SLIT1: variants seen among roughly 807,000 people sequenced by gnomAD.
SLIT1 encodes the protein slit homolog 1 protein.
In SLIT1, 66 loss-of-function variants were observed where a neutral mutation model predicts 186.1. That is an observed-to-expected ratio of 0.35 (90% CI 0.29 to 0.44). SLIT1 has a LOEUF of 0.44. Among genes scored for constraint, SLIT1 ranks in the 20% least tolerant of loss-of-function variants. The pLI, the probability that SLIT1 is intolerant of heterozygous loss-of-function variation, is 1.00. For missense variants in SLIT1, 1,638 were observed against 2,037.4 expected (o/e 0.80, Z 3.77); for synonymous variants, 761 against 833.8 (o/e 0.91, Z 1.50).
intron 4 of SLIT1, among the ~76,000 whole-genome samples, chr10:97,109,437 C>A (rs1207188145): frequency 6.6e-6 from 1 of 152,074 alleles, no homozygotes; most frequent in African/African-American, 2.4e-5. Context: ...GAAGGACTGC[C>A]TCCAAGATGC....
At chr10:97,130,162 G>C (rs1849639916) in intron 4 of SLIT1, among the ~76,000 whole-genome samples, 1 of 152,214 alleles carries the variant, frequency 6.6e-6, no homozygotes, top group Non-Finnish European at 1.5e-5. Flanking sequence ...CATGTGCTCA[G>C]ATACAGGGAT....
intron 3 of SLIT1, among the ~76,000 whole-genome samples, chr10:97,159,474 A>AT (rs1162760249): frequency 1.3e-5 from 2 of 152,164 alleles, no homozygotes; most frequent in Non-Finnish European, 2.9e-5. Flanking sequence ...TTAATCCTGT[A>AT]TTTACACTGC....
intron 1 of SLIT1, among the ~76,000 whole-genome samples, chr10:97,169,683 C>T (rs948244048): frequency 3.9e-4 from 59 of 152,206 alleles, no homozygotes; most frequent in African/African-American, 1.3e-3. Flanking sequence ...CCCACCTGGG[C>T]TCCCTGAGGT....
Position 97,157,871 on chromosome 10 carries a change from C to G in SLIT1, c.360G>C (p.Gln120His). ...ACAGCAGTTCCGGTAACATGTGCAG[C>G]TGGTTTCGGTTCAGTCGCCTATAAA... Reference protein sequence around the residue: ...ELERLRLNRNQLHMLPELLFQ... With the variant: ...ELERLRLNRNHLHMLPELLFQ... Residue 120 changes from glutamine (Q) to histidine (H), a missense_variant, in exon 4 of 37, where the codon CAG (glutamine) becomes CAC (histidine). Coordinates refer to ENST00000266058, the MANE Select transcript of SLIT1 (RefSeq NM_003061.3). 1 of 1,614,042 alleles carries G rather than the reference C, an allele frequency of 6.2e-7. No homozygotes were observed. Among genetic ancestry groups the G allele is most frequent in the Middle Eastern group, 1.6e-4 (1 of 6,062 alleles).
intron 8 of SLIT1, among the ~76,000 whole-genome samples, chr10:97,062,705 G>T (rs1012571146): frequency 6.6e-6 from 1 of 152,202 alleles, no homozygotes; most frequent in African/African-American, 2.4e-5. Flanking sequence ...GGCACAGCTG[G>T]GGGAGCTGCA....
At chr10:97,008,085 T>G (rs11188985) in intron 31 of SLIT1, among the ~76,000 whole-genome samples, 67,121 of 151,544 alleles carry the variant, frequency 0.44, 18,357 homozygotes, top group African/African-American at 0.77. Context: ...AAAGGAAAGA[T>G]AAATAAAATG....
rs1430831311 is a variant in SLIT1, at chr10:97,002,352, C to T, written c.4172G>A (p.Cys1391Tyr). 6.2e-7 allele frequency: 1 copy of T among 1,607,338 alleles called. No individual in the cohort carries two copies. Among genetic ancestry groups the T allele is most frequent in the Non-Finnish European group, 8.5e-7 (1 of 1,178,312 alleles). ...GTAGGAAAGAGCGTCGAGGGGCACGCATTGCCCATGGACACACCTGGAGGA... is the reference window on the plus strand; with the variant it reads ...GTAGGAAAGAGCGTCGAGGGGCACGTATTGCCCATGGACACACCTGGAGGA... ...CHGHKCVHGQ[C>Y]VPLDALSYSC... The change falls in exon 36 of 37, where the codon TGC (cysteine) becomes TAC (tyrosine). Residue 1391 changes from cysteine (C) to tyrosine (Y), a missense_variant. Physicochemically the swap from Cys to Tyr is radical, Grantham distance 194. This residue lies in a region of SLIT1 where 220 missense variants were observed against 211.3 expected (regional missense o/e 1.04). Coordinates refer to ENST00000266058, the MANE Select transcript of SLIT1 (RefSeq NM_003061.3).
chr10:97,074,980 G>A (rs1366057248), intron 4 of SLIT1, among the ~76,000 whole-genome samples: 1 of 152,256 alleles, frequency 6.6e-6, no homozygotes, highest in Non-Finnish European at 1.5e-5. Context: ...GGGCAGGGGT[G>A]GGAGTACACA....
At chr10:97,178,705 T>C (rs1309473399) in intron 1 of SLIT1, among the ~76,000 whole-genome samples, 4 of 152,004 alleles carry the variant, frequency 2.6e-5, no homozygotes, top group African/African-American at 9.7e-5. Context: ...AGGAAAAAAG[T>C]TTCAACGTCT....
chr10:97,056,832 C>G (rs560942041), intron 12 of SLIT1, among the ~76,000 whole-genome samples: 2 of 152,334 alleles, frequency 1.3e-5, no homozygotes, highest in East Asian at 3.9e-4. Context: ...CATTTGTGTT[C>G]TATGCCTCTT....
At chr10:97,011,290 G>A (rs1848408514) in intron 30 of SLIT1, among the ~76,000 whole-genome samples, 160 bp from the exon 31 acceptor site, 1 of 152,060 alleles carries the variant, frequency 6.6e-6, no homozygotes, top group Non-Finnish European at 1.5e-5. Context: ...ACAGAGCTCT[G>A]GATCTAAAAG....
chr10:97,100,089 A>G (rs774948993), intron 4 of SLIT1, among the ~76,000 whole-genome samples: 20 of 152,262 alleles, frequency 1.3e-4, no homozygotes, highest in Non-Finnish European at 2.1e-4. Context: ...ATGATGTCAC[A>G]CGATTTGAGT....
At position 97,043,249 on chromosome 10, in the gene SLIT1, C is replaced by A; in HGVS notation, c.1997+121G>T. 1 of 1,394,604 alleles carries A rather than the reference C, an allele frequency of 7.2e-7. No homozygotes were observed. Among genetic ancestry groups the A allele is most frequent in the South Asian group, 1.3e-5 (1 of 77,438 alleles). 86.4% of individuals were successfully genotyped at this position (1,394,604 alleles called of 1,614,324 possible). Reference sequence around the variant, plus strand: ...GGGAGACTTCGAAATGTGGAACCCACGTTTCAGCAAACCACGAAGACCCAG... The same window carrying A: ...GGGAGACTTCGAAATGTGGAACCCAAGTTTCAGCAAACCACGAAGACCCAG... On this transcript the variant is annotated intron_variant, in intron 19 of 36. Coordinates refer to ENST00000266058, the MANE Select transcript of SLIT1 (RefSeq NM_003061.3). This position sits in a 1 kb window ranked among gnomAD's most constrained non-coding sequence, Gnocchi z 7.0.
chr10:96,999,437 G>A lies in SLIT1; in HGVS notation c.*1675C>T, dbSNP rs566299737. The A allele has an allele frequency of 6.6e-6, 1 of 152,432 alleles. No homozygotes were observed. Among genetic ancestry groups the A allele is most frequent in the East Asian group, 1.9e-4 (1 of 5,172 alleles). The allele number at this position is 152,432 out of a possible 1,614,324, so 9.4% of individuals were successfully genotyped here. On this transcript the variant is annotated 3_prime_UTR_variant, in exon 37 of 37. Transcript: ENST00000266058. ...GGGCTCCCCTCACTGCCCTGGGCAG[G>A]GGACAGGGACACAATGCCACTCTGA...
chr10:97,141,742 G>A (rs574441574), intron 4 of SLIT1, among the ~76,000 whole-genome samples: 8 of 148,758 alleles, frequency 5.4e-5, no homozygotes, highest in South Asian at 2.1e-4. Flanking sequence ...GTATTGTATC[G>A]TATCGTATCG....
chr10:97,013,889 G>A lies in SLIT1; in HGVS notation c.3110-55C>T, dbSNP rs188425588. The A allele has an allele frequency of 8.7e-5, 134 of 1,537,092 alleles. No homozygotes were observed. In the East Asian group the frequency reaches 1.1e-3, roughly 13 times the overall value. On this transcript the variant is annotated intron_variant, in intron 29 of 36. Transcript: ENST00000266058. Reference sequence around the variant, plus strand: ...AGAAGCTGCTCTCCTGTGCTCTGCCGGGCAGCCAGACCCACAGAAATCCTC... The same window carrying A: ...AGAAGCTGCTCTCCTGTGCTCTGCCAGGCAGCCAGACCCACAGAAATCCTC...
intron 4 of SLIT1, among the ~76,000 whole-genome samples, chr10:97,110,431 A>G (rs189747790): frequency 6.6e-6 from 1 of 152,342 alleles, no homozygotes; most frequent in East Asian, 1.9e-4. Context: ...AATACACACC[A>G]AAAGGAAAGT....
chr10:97,025,249 T>C (rs977867866), intron 25 of SLIT1, among the ~76,000 whole-genome samples: 2 of 152,100 alleles, frequency 1.3e-5, no homozygotes, highest in African/African-American at 4.8e-5. Flanking sequence ...AACTCCAGCC[T>C]GGGCAACTTG....
chr10:97,063,717 T>A, intron 7 of SLIT1, 99 bp from the exon 8 acceptor site: 1 of 1,306,260 alleles, frequency 7.7e-7, no homozygotes, highest in Non-Finnish European at 1.0e-6. Flanking sequence ...CCCGGTGCTG[T>A]GTTCAAGCCA....
Sources: gnomAD v4.1 joint callset for allele counts (sites outside exome capture counted in the v4.1 genomes callset) on GRCh38, gnomAD v4.1.1 for gene constraint, gnomAD v4.1.1 regional missense constraint, Gnocchi (gnomAD v3.1) non-coding constraint, MANE v1.5 for transcripts, NCBI Gene and HGNC (gene_info 2026-07-23, HGNC 2026-07-21) for gene names.